PARD3B: variants seen among roughly 807,000 people sequenced by gnomAD.
PARD3B encodes the protein partitioning defective 3 homolog B.
A neutral mutation model predicts 130.2 loss-of-function variants in PARD3B; 103 were observed. The ratio of observed to expected loss-of-function variants is 0.79; its 90% CI spans 0.67 to 0.93. The LOEUF is 0.93. PARD3B is among the 40% of genes least tolerant of loss of function. The probability of loss-of-function intolerance (pLI) is 0.00; values close to 1 mark genes in which losing one functional copy is unlikely to be tolerated. For missense variants in PARD3B, 1,609 were observed against 1,499.2 expected, an observed-to-expected ratio of 1.07 and a Z score of -1.21; for synonymous variants, 583 against 553.2, an observed-to-expected ratio of 1.05 and a Z score of -0.76.
chr2:204,650,056 A>T (rs1165312468), intron 1 of PARD3B, among the ~76,000 whole-genome samples: 1 of 152,196 alleles, frequency 6.6e-6, no homozygotes, highest in African/African-American at 2.4e-5. Context: ...AGGAACTTAA[A>T]TTTACAAGAA....
At chr2:204,981,296 A>G (rs1184349303) in intron 3 of PARD3B, among the ~76,000 whole-genome samples, 3 of 152,202 alleles carry the variant, frequency 2.0e-5, no homozygotes, top group South Asian at 2.1e-4. Context: ...ATTCATATCA[A>G]TCTCAAATTG....
intron 18 of PARD3B, among the ~76,000 whole-genome samples, chr2:205,383,780 T>C (rs2045566008): frequency 6.6e-6 from 1 of 152,106 alleles, no homozygotes; most frequent in Admixed American, 6.6e-5. Context: ...ATCTTCCTGG[T>C]ATGTAATGAA....
intron 18 of PARD3B, among the ~76,000 whole-genome samples, chr2:205,369,941 G>A (rs1222065517): frequency 6.6e-6 from 1 of 152,232 alleles, no homozygotes; most frequent in Non-Finnish European, 1.5e-5. Context: ...CTAGCAGCAA[G>A]TCAGACCATG....
chr2:204,915,965 C>G (rs1320852014), intron 2 of PARD3B, among the ~76,000 whole-genome samples: 1 of 152,136 alleles, frequency 6.6e-6, no homozygotes, highest in African/African-American at 2.4e-5. Flanking sequence ...CCATGAGTGT[C>G]CTTGATAAGT....
Position 204,689,560 on chromosome 2 carries a change from T to C in PARD3B, c.222+3278T>C, listed in dbSNP as rs531533150. ...ATTGTAATTTTACACTCATGTCTCC[T>C]CTCTGGTTGCTAAAGGCTACCAACT... On this transcript the variant is annotated intron_variant, in intron 2 of 22. Coordinates refer to ENST00000406610, the MANE Select transcript of PARD3B (RefSeq NM_001302769.2). This position sits in a 1 kb window ranked among gnomAD's most constrained non-coding sequence, Gnocchi z 5.2. Among the ~76,000 whole-genome samples, 2 of 152,154 alleles carry C rather than the reference T, an allele frequency of 1.3e-5. No homozygotes were observed. The highest frequency in any genetic ancestry group is 2.9e-5 in the Non-Finnish European group (2 of 68,024).
intron 2 of PARD3B, among the ~76,000 whole-genome samples, chr2:204,910,914 T>C (rs1438038301): frequency 6.6e-6 from 1 of 152,198 alleles, no homozygotes; most frequent in Non-Finnish European, 1.5e-5. Context: ...AGTGCTGGGA[T>C]TACAGGCATG....
intron 2 of PARD3B, among the ~76,000 whole-genome samples, chr2:204,759,203 TA>T (rs1284629185): frequency 2.6e-5 from 4 of 152,222 alleles, no homozygotes; most frequent in Non-Finnish European, 4.4e-5. Context: ...CACATAAAAT[TA>T]AAATTTAAAT....
chr2:205,184,031 G>A (rs537462021), intron 13 of PARD3B, among the ~76,000 whole-genome samples: 9 of 152,158 alleles, frequency 5.9e-5, no homozygotes, highest in East Asian at 3.9e-4. Context: ...TCACTCAGTC[G>A]GGGAATTCTC....
intron 1 of PARD3B, among the ~76,000 whole-genome samples, chr2:204,670,458 T>C (rs2125205253): frequency 6.6e-6 from 1 of 152,286 alleles, no homozygotes; most frequent in Admixed American, 6.5e-5. Context: ...CTCCAAACCC[T>C]TCACTCTAAA....
intron 3 of PARD3B, among the ~76,000 whole-genome samples, chr2:204,997,693 T>G (rs1211775022): frequency 6.6e-6 from 1 of 152,014 alleles, no homozygotes; most frequent in Non-Finnish European, 1.5e-5. Context: ...ATTTTATTTT[T>G]TTACTAATTC....
At chr2:204,630,566 T>A (rs2034643336) in intron 1 of PARD3B, among the ~76,000 whole-genome samples, 1 of 152,194 alleles carries the variant, frequency 6.6e-6, no homozygotes, top group South Asian at 2.1e-4. Context: ...TTTTTGTGTA[T>A]TTGGATGTAT....
At position 205,430,107 on chromosome 2, in the gene PARD3B, A is replaced by G. The variant is rs141968936; in HGVS notation, c.2742-10263A>G. On this transcript the variant is annotated intron_variant, in intron 19 of 22. Coordinates refer to ENST00000406610, the MANE Select transcript of PARD3B (RefSeq NM_001302769.2). Reference sequence around the variant, plus strand: ...ATTACATGTACAGAGACCTGTATCCAAATAGGATTGCATCAACAGATTCCA... The same window carrying G: ...ATTACATGTACAGAGACCTGTATCCGAATAGGATTGCATCAACAGATTCCA... Among the ~76,000 whole-genome samples, 422 of 152,354 alleles carry G rather than the reference A, an allele frequency of 2.8e-3. 1 individual carries two copies. Among genetic ancestry groups the G allele is most frequent in the Non-Finnish European group, 4.6e-3 (310 of 68,042 alleles).
rs1170420760 is a variant in PARD3B, at chr2:205,116,329, T to C, written c.681-2592T>C. Among the ~76,000 whole-genome samples, 1 of 152,098 alleles carries C rather than the reference T, an allele frequency of 6.6e-6. No individual in the cohort carries two copies. The highest frequency in any genetic ancestry group is 1.9e-4 in the East Asian group (1 of 5,188). Reference sequence around the variant, plus strand: ...AGAAGGAGAAGGACTGGATGAAGGCTGATAAAGACTGTGAGAAGAGATGTT... The same window carrying C: ...AGAAGGAGAAGGACTGGATGAAGGCCGATAAAGACTGTGAGAAGAGATGTT... On this transcript the variant is annotated intron_variant, in intron 6 of 22. Coordinates refer to ENST00000406610, the MANE Select transcript of PARD3B (RefSeq NM_001302769.2). The surrounding 1 kb of genome is among the most constrained non-coding windows in gnomAD (Gnocchi z 4.5).
intron 2 of PARD3B, among the ~76,000 whole-genome samples, chr2:204,732,507 CT>C (rs58373732): frequency 0.042 from 6,101 of 144,528 alleles, 419 homozygotes; most frequent in African/African-American, 0.14. Context: ...GTAAGGATAT[CT>C]TTTTTTTTTT....
intron 2 of PARD3B, among the ~76,000 whole-genome samples, chr2:204,876,791 C>T (rs993642493): frequency 1.3e-5 from 2 of 152,074 alleles, no homozygotes; most frequent in African/African-American, 4.8e-5. Flanking sequence ...TGTCTGACGT[C>T]TTGACTGAAA....
intron 1 of PARD3B, among the ~76,000 whole-genome samples, chr2:204,614,777 T>C (rs1285019401): frequency 2.0e-5 from 3 of 152,150 alleles, no homozygotes. Flanking sequence ...CTCTCTCTCT[T>C]GCTCCTGCTC....
chr2:204,900,893 G>A (rs954760375), intron 2 of PARD3B, among the ~76,000 whole-genome samples: 2 of 152,170 alleles, frequency 1.3e-5, no homozygotes, highest in African/African-American at 4.8e-5. Flanking sequence ...CATCTTGGAG[G>A]TCTTGGATAA....
intron 1 of PARD3B, among the ~76,000 whole-genome samples, chr2:204,594,876 G>A (rs1264391844): frequency 6.6e-6 from 1 of 152,172 alleles, no homozygotes; most frequent in African/African-American, 2.4e-5. Context: ...CCTCAGCTAT[G>A]TTGGTGTTTG....
At chr2:205,252,975 T>C (rs929880010) in intron 16 of PARD3B, among the ~76,000 whole-genome samples, 41 of 151,932 alleles carry the variant, frequency 2.7e-4, no homozygotes, top group African/African-American at 9.9e-4. Context: ...AAGAAAGCTT[T>C]GAGTATTTTT....
Sources: allele counts gnomAD v4.1 joint callset (sites outside exome capture counted in the v4.1 genomes callset), GRCh38; gene constraint gnomAD v4.1.1; non-coding constraint Gnocchi (gnomAD v3.1); transcripts MANE v1.5; gene names NCBI Gene and HGNC (gene_info 2026-07-23, HGNC 2026-07-21).